DISC1: variants seen among roughly 807,000 people sequenced by gnomAD.
The protein encoded by DISC1 is DISC1 scaffold protein.
A neutral mutation model predicts 84.5 loss-of-function variants in DISC1; 57 were observed. That is an observed-to-expected ratio of 0.67 (90% CI 0.55 to 0.84). DISC1 has a LOEUF of 0.84. Ranked by LOEUF, DISC1 falls within the 40% of genes least tolerant of loss-of-function variation. The pLI is 0.00. For synonymous variants in DISC1, 411 were observed against 415.2 expected (o/e 0.99, Z 0.12); for missense variants, 1,000 against 1,057.8 (o/e 0.95, Z 0.76).
In DISC1 at chr1:232,036,810, T is replaced by A. The variant is rs1272037561; in HGVS notation, c.2544T>A (p.Gly848=). ...REAAASCMTA[G]VHEAQA ...CTGCAGCTTCCTGCATGACAGCTGG[T>A]GTCCACGAAGCACAAGCCTGAGGAG... The change falls in exon 13 of 13, where the codon GGT becomes GGA. Residue 848 remains glycine (G), a synonymous_variant. Coordinates refer to ENST00000439617, the MANE Select transcript of DISC1 (RefSeq NM_018662.3). 4 of 1,588,274 alleles carry A rather than the reference T, an allele frequency of 2.5e-6. No homozygotes were observed. Among genetic ancestry groups the A allele is most frequent in the Non-Finnish European group, 3.4e-6 (4 of 1,164,686 alleles).
At chr1:231,782,063 T>C (rs1283540571) in intron 6 of DISC1, among the ~76,000 whole-genome samples, 1 of 152,244 alleles carries the variant, frequency 6.6e-6, no homozygotes, top group African/African-American at 2.4e-5. Context: ...CTAGATTTCC[T>C]GTAGCTGCTT....
intron 1 of DISC1, among the ~76,000 whole-genome samples, chr1:231,647,984 A>G (rs949417715): frequency 6.6e-6 from 1 of 152,250 alleles, no homozygotes; most frequent in Non-Finnish European, 1.5e-5. Flanking sequence ...TTTTCTAAAT[A>G]TACAATCATA....
chr1:231,821,636 G>T (rs2081501545), intron 9 of DISC1, among the ~76,000 whole-genome samples: 1 of 151,498 alleles, frequency 6.6e-6, no homozygotes, highest in Non-Finnish European at 1.5e-5. Context: ...TTTAATTATT[G>T]TGGATTCCAA....
intron 3 of DISC1, among the ~76,000 whole-genome samples, chr1:231,730,410 C>T (rs2125171410): frequency 6.6e-6 from 1 of 152,202 alleles, no homozygotes; most frequent in South Asian, 2.1e-4. Flanking sequence ...GTCACATTGA[C>T]CTTTTATTTT....
rs573311856 is a variant in DISC1, at chr1:231,755,793, T to G, written c.1268+5717T>G. 4.6e-5 allele frequency among the ~76,000 whole-genome samples: 7 copies of G among 152,336 alleles called. No individual in the cohort carries two copies. The South Asian group carries it at 1.2e-3, about 27-fold the overall frequency. On this transcript the variant is annotated intron_variant, in intron 4 of 12. Transcript: ENST00000439617. ...AGTCATTGGTCACCAAGTCCTGTTG[T>G]GTCCACTGTCTGTCTCTCTCATTTC...
chr1:231,641,107 A>C (rs1410928953), intron 1 of DISC1, among the ~76,000 whole-genome samples: 2 of 152,220 alleles, frequency 1.3e-5, no homozygotes, highest in Non-Finnish European at 2.9e-5. Flanking sequence ...CCCATTAAAT[A>C]CCAACCAGCA....
intron 9 of DISC1, among the ~76,000 whole-genome samples, chr1:231,840,859 T>C (rs959036671): frequency 6.6e-6 from 1 of 152,170 alleles, no homozygotes; most frequent in Non-Finnish European, 1.5e-5. Flanking sequence ...TGGTGATGGT[T>C]ACAAGTTACA....
At chr1:231,865,693 T>A (rs1055242959) in intron 9 of DISC1, among the ~76,000 whole-genome samples, 1 of 152,202 alleles carries the variant, frequency 6.6e-6, no homozygotes, top group Non-Finnish European at 1.5e-5. Context: ...ATAAGTGGAA[T>A]CACATGACAT....
Position 231,969,186 on chromosome 1 carries a change from G to GTTTTTTTT in DISC1, c.2042+10316_2042+10323dup, listed in dbSNP as rs71573149. ...CTCCTGATTATCCAAACACTCAGCGGTTTTTTTTTTTTTTTTTTTTTTTTT... is the reference window on the plus strand; with the variant it reads ...CTCCTGATTATCCAAACACTCAGCGGTTTTTTTTTTTTTTTTTTTTTTTTTTTTTTTTT... On this transcript the variant is annotated intron_variant, in intron 10 of 12. Coordinates refer to ENST00000439617, the MANE Select transcript of DISC1 (RefSeq NM_018662.3). 1.4e-3 allele frequency among the ~76,000 whole-genome samples: 128 copies of GTTTTTTTT among 91,612 alleles called. 1 individual carries two copies. The highest frequency in any genetic ancestry group is 3.4e-3 in the East Asian group (11 of 3,248). The allele number at this position is 91,612 out of a possible 152,430, so 60.1% of individuals were successfully genotyped here.
chr1:231,734,787 G>A (rs2072255497), intron 3 of DISC1, among the ~76,000 whole-genome samples: 1 of 152,170 alleles, frequency 6.6e-6, no homozygotes. Flanking sequence ...CAAAATTTTT[G>A]TATCATCTCC....
At chr1:231,699,633 C>T (rs906264995) in intron 2 of DISC1, among the ~76,000 whole-genome samples, 1 of 152,158 alleles carries the variant, frequency 6.6e-6, no homozygotes, top group Non-Finnish European at 1.5e-5. Context: ...TCATCTCCTT[C>T]CTGAATGTTC....
At chr1:231,916,345 T>C (rs192545958) in intron 9 of DISC1, among the ~76,000 whole-genome samples, 15 of 152,320 alleles carry the variant, frequency 9.8e-5, no homozygotes, top group Middle Eastern at 3.4e-3. Flanking sequence ...ACTTTTTTTC[T>C]TTCCTTCAAA....
intron 6 of DISC1, among the ~76,000 whole-genome samples, chr1:231,782,438 T>C (rs570921026): frequency 6.6e-6 from 1 of 152,226 alleles, no homozygotes; most frequent in African/African-American, 2.4e-5. Context: ...TTGAGAGAAA[T>C]GTGAGGTTAA....
Position 231,802,860 on chromosome 1 carries a change from A to G in DISC1, c.1792+2650A>G, listed in dbSNP as rs371718517. Among the ~76,000 whole-genome samples the G allele has an allele frequency of 5.3e-5, 8 of 151,524 alleles. No homozygotes were observed. The East Asian group carries it at 1.2e-3, about 22-fold the overall frequency. The stretch of plus-strand genomic sequence containing the variant: ...AGGATCTTTTTTTTTCTAGTTTCTG[A>G]TATATTTTTCTTACTTTTTTCTATC... On this transcript the variant is annotated intron_variant, in intron 8 of 12. Coordinates refer to ENST00000439617, the MANE Select transcript of DISC1 (RefSeq NM_018662.3).
chr1:231,655,680 T>G (rs1276092211), intron 1 of DISC1, among the ~76,000 whole-genome samples: 2 of 152,192 alleles, frequency 1.3e-5, no homozygotes, highest in African/African-American at 4.8e-5. Flanking sequence ...TCCATACTGT[T>G]TTCCATAGAG....
At chr1:231,848,942 C>T (rs1045171107) in intron 9 of DISC1, among the ~76,000 whole-genome samples, 4 of 151,726 alleles carry the variant, frequency 2.6e-5, no homozygotes, top group South Asian at 2.1e-4. Context: ...AGTGAAACAA[C>T]GAATAAATGA....
intron 1 of DISC1, among the ~76,000 whole-genome samples, chr1:231,661,771 C>G (rs916956392): frequency 1.3e-5 from 2 of 152,198 alleles, no homozygotes; most frequent in Non-Finnish European, 2.9e-5. Context: ...AGCCTCAGCC[C>G]AGTTCTGTTC....
intron 10 of DISC1, among the ~76,000 whole-genome samples, chr1:231,961,017 G>A (rs1020082537): frequency 6.6e-6 from 1 of 152,220 alleles, no homozygotes; most frequent in African/African-American, 2.4e-5. Flanking sequence ...CATAGGGTGA[G>A]GTATGGGAAA....
chr1:232,041,043 T>C lies in DISC1; in HGVS notation c.*4212T>C, dbSNP rs1353922357. 6.6e-6 allele frequency: 1 copy of C among 152,244 alleles called. No homozygotes were observed. Among genetic ancestry groups the C allele is most frequent in the Non-Finnish European group, 1.5e-5 (1 of 68,036 alleles). The allele number at this position is 152,244 out of a possible 1,614,324, so 9.4% of individuals were successfully genotyped here. A position where few individuals can be genotyped will look rare whatever the true frequency, so the allele number is the denominator to read the frequency against. ...TTTTACTTTTAATATCCTCACCTTA[T>C]CTAATCTTTGAATTTTGTCATGTAA... is the stretch of plus-strand genomic sequence containing the variant. On this transcript the variant is annotated 3_prime_UTR_variant, in exon 13 of 13. Transcript: ENST00000439617.
Sources: allele counts gnomAD v4.1 joint callset (sites outside exome capture counted in the v4.1 genomes callset), GRCh38; gene constraint gnomAD v4.1.1; transcripts MANE v1.5; gene names NCBI Gene and HGNC (gene_info 2026-07-23, HGNC 2026-07-21).